The following ADCY8 variants were observed in gnomAD, a reference collection of about 807,000 sequenced individuals.
ADCY8 encodes adenylate cyclase type 8.
Under a neutral mutation model 119.7 loss-of-function variants are expected in ADCY8, and 51 were observed. The ratio of observed to expected loss-of-function variants is 0.43; its 90% confidence interval spans 0.34 to 0.54. ADCY8 has a LOEUF of 0.54. ADCY8 is among the 20% of genes least tolerant of loss of function. The pLI is 0.03. For synonymous variants in ADCY8, 665 were observed against 651.0 expected, an observed-to-expected ratio of 1.02 and a Z score of -0.33; for missense variants, 1,383 against 1,598.8, an observed-to-expected ratio of 0.87 and a Z score of 2.30.
chr8:131,039,286 G>A lies in ADCY8; in HGVS notation c.960+88C>T. 2.6e-6 allele frequency: 4 copies of A among 1,545,036 alleles called. No homozygotes were observed. The South Asian group carries it at 3.7e-5, about 14-fold the overall frequency. ...GACTGAAGGCGGAGACTTAAAGAGA[G>A]TGAGGCAACCCTGGCTCTCTGGAAG... On this transcript the variant is annotated intron_variant, in intron 1 of 17. Transcript: ENST00000286355.
rs137916698 is a variant in ADCY8, at chr8:130,967,314, A to G, written c.1111-15316T>C. Reference sequence around the variant, plus strand: ...TTGTTAGTGGTCTAAGACCCTAGGAATTTTGGTTCTGCTCAGAAATATTAA... The same window carrying G: ...TTGTTAGTGGTCTAAGACCCTAGGAGTTTTGGTTCTGCTCAGAAATATTAA... On this transcript the variant is annotated intron_variant, in intron 2 of 17. Coordinates refer to ENST00000286355, the MANE Select transcript of ADCY8 (RefSeq NM_001115.3). Among the ~76,000 whole-genome samples the G allele has an allele frequency of 6.6e-3, 1,005 of 152,284 alleles. 3 individuals carry two copies. The highest frequency in any genetic ancestry group is 0.012 in the Non-Finnish European group (814 of 68,008).
intron 11 of ADCY8, 134 bp from the exon 12 acceptor site, chr8:130,836,583 A>G (rs1816995479): frequency 2.3e-6 from 2 of 856,230 alleles, no homozygotes; most frequent in Non-Finnish European, 3.5e-6. Flanking sequence ...CTGAAATTCA[A>G]CAGGTCCCAA....
At chr8:130,828,614 C>A (rs959419469) in intron 12 of ADCY8, among the ~76,000 whole-genome samples, 2 of 152,182 alleles carry the variant, frequency 1.3e-5, no homozygotes, top group Admixed American at 1.3e-4. Context: ...CCAATTCTCC[C>A]TTTTTGTGCC....
At chr8:130,836,641 C>T (rs1425605273) in intron 11 of ADCY8, among the ~76,000 whole-genome samples, 192 bp from the exon 12 acceptor site, 1 of 152,168 alleles carries the variant, frequency 6.6e-6, no homozygotes, top group African/African-American at 2.4e-5. Flanking sequence ...CTCTGAATGG[C>T]ATCACTATTC....
intron 8 of ADCY8, among the ~76,000 whole-genome samples, chr8:130,873,507 A>T (rs1234068691): frequency 6.6e-6 from 1 of 151,994 alleles, no homozygotes; most frequent in Non-Finnish European, 1.5e-5. Flanking sequence ...TTTAGTAGAG[A>T]CGGGGTTTCT....
At chr8:131,006,039 C>G (rs1445778540) in intron 1 of ADCY8, among the ~76,000 whole-genome samples, 1 of 152,074 alleles carries the variant, frequency 6.6e-6, no homozygotes, top group African/African-American at 2.4e-5. Context: ...CTCTCTTTCT[C>G]TCTCTCTGTC....
intron 1 of ADCY8, among the ~76,000 whole-genome samples, chr8:131,005,388 T>C (rs1408147780): frequency 1.3e-5 from 2 of 152,184 alleles, no homozygotes; most frequent in Non-Finnish European, 2.9e-5. Flanking sequence ...GAATGAGCCT[T>C]TGGGATTTGG....
At chr8:130,886,286 A>G (rs1439392224) in intron 7 of ADCY8, among the ~76,000 whole-genome samples, 2 of 152,130 alleles carry the variant, frequency 1.3e-5, no homozygotes, top group African/African-American at 4.8e-5. Flanking sequence ...AGGGCACTGA[A>G]GCATGTAATT....
chr8:130,797,592 A>T (rs950754794), intron 15 of ADCY8, among the ~76,000 whole-genome samples: 1 of 152,204 alleles, frequency 6.6e-6, no homozygotes, highest in African/African-American at 2.4e-5. Flanking sequence ...ACTTAACAAG[A>T]TACAAGAATA....
intron 12 of ADCY8, among the ~76,000 whole-genome samples, chr8:130,834,748 A>G (rs1049583237): frequency 1.2e-4 from 18 of 152,220 alleles, no homozygotes; most frequent in Non-Finnish European, 2.2e-4. Flanking sequence ...ACATCACAAC[A>G]AAATAGTAAA....
At chr8:130,869,947 C>T (rs1414963205) in intron 8 of ADCY8, among the ~76,000 whole-genome samples, 1 of 108,816 alleles carries the variant, frequency 9.2e-6, no homozygotes, top group African/African-American at 3.7e-5. Flanking sequence ...TCCTCTTCTT[C>T]TTCTTCTTCT....
chr8:130,953,003 T>A (rs1821319925), intron 2 of ADCY8, among the ~76,000 whole-genome samples: 1 of 152,206 alleles, frequency 6.6e-6, no homozygotes, highest in African/African-American at 2.4e-5. Flanking sequence ...TCTATTGTGA[T>A]CACCACTGTA....
chr8:130,838,565 C>T (rs1193745518), intron 11 of ADCY8, among the ~76,000 whole-genome samples: 1 of 142,526 alleles, frequency 7.0e-6, no homozygotes, highest in Non-Finnish European at 1.6e-5. Flanking sequence ...CTGAGGGGTC[C>T]TGTTTCATTG....
chr8:130,847,056 A>G (rs558305185), intron 11 of ADCY8, among the ~76,000 whole-genome samples: 1 of 151,890 alleles, frequency 6.6e-6, no homozygotes, highest in Non-Finnish European at 1.5e-5. Context: ...GCATTCTGCT[A>G]CAGGATTTTA....
chr8:130,879,012 A>G (rs985851877), intron 8 of ADCY8, among the ~76,000 whole-genome samples: 2 of 152,174 alleles, frequency 1.3e-5, no homozygotes, highest in Admixed American at 1.3e-4. Flanking sequence ...ACTTAGCTTA[A>G]TGAAATAATT....
intron 1 of ADCY8, among the ~76,000 whole-genome samples, chr8:130,999,636 A>G (rs945884953): frequency 2.6e-5 from 4 of 152,176 alleles, no homozygotes; most frequent in African/African-American, 7.2e-5. Flanking sequence ...TGTACAAGGA[A>G]CATCCCCACA....
At chr8:130,825,754 G>C (rs148532412) in intron 12 of ADCY8, among the ~76,000 whole-genome samples, 1 of 152,186 alleles carries the variant, frequency 6.6e-6, no homozygotes, top group Non-Finnish European at 1.5e-5. Context: ...TAACCTCTTC[G>C]CTGTGTCCTG....
chr8:131,016,259 C>G (rs1823472240), intron 1 of ADCY8, among the ~76,000 whole-genome samples: 8 of 152,030 alleles, frequency 5.3e-5, no homozygotes, highest in Admixed American at 5.2e-4. Context: ...CATGGTGGCT[C>G]ACACTTGCAA....
At chr8:130,826,102 A>G (rs927828903) in intron 12 of ADCY8, among the ~76,000 whole-genome samples, 7 of 152,260 alleles carry the variant, frequency 4.6e-5, no homozygotes, top group Admixed American at 3.3e-4. Flanking sequence ...CATGGTTGGC[A>G]TAAAGAATGG....
Sources: gnomAD v4.1 joint callset for allele counts (sites outside exome capture counted in the v4.1 genomes callset) on GRCh38, gnomAD v4.1.1 for gene constraint, MANE v1.5 for transcripts, NCBI Gene and HGNC (gene_info 2026-07-23, HGNC 2026-07-21) for gene names.